ANK3: variants seen among roughly 807,000 people sequenced by gnomAD.
ANK3 encodes ankyrin 3.
In ANK3, 57 loss-of-function variants were observed where a neutral mutation model predicts 370.9. The ratio of observed to expected loss-of-function variants is 0.15; its 90% confidence interval spans 0.12 to 0.19. The LOEUF is 0.19. Ranked by LOEUF, ANK3 falls within the 10% of genes least tolerant of loss-of-function variation. ANK3 has a pLI of 1.00. For synonymous variants in ANK3, 1,929 were observed against 1,946.3 expected (o/e 0.99, Z 0.23); for missense variants, 4,439 against 5,302.1 (o/e 0.84, Z 5.06).
intron 1 of ANK3, among the ~76,000 whole-genome samples, chr10:60,615,952 T>G (rs910617913): frequency 6.6e-6 from 1 of 152,186 alleles, no homozygotes; most frequent in African/African-American, 2.4e-5. Context: ...ATGTGCAATA[T>G]GCAAATTATT....
chr10:60,074,979 C>G lies in ANK3; in HGVS notation c.5902G>C (p.Val1968Leu). The G allele has an allele frequency of 6.2e-7, 1 of 1,614,072 alleles. No individual in the cohort carries two copies. The highest frequency in any genetic ancestry group is 1.7e-4 in the Middle Eastern group (1 of 6,058). ...GATTTGGGTGATCCTTTATTATCTA[C>G]ACATACATCCTTTTTAAGGATTTCA... Reference protein sequence around the residue: ...VSEILKKDVCVDNKGSPKSPK... With the variant: ...VSEILKKDVCLDNKGSPKSPK... The change falls in exon 37 of 44, where the codon GTA (valine) becomes CTA (leucine). Residue 1968 changes from valine to leucine, a missense_variant. Coordinates refer to ENST00000280772, the MANE Select transcript of ANK3 (RefSeq NM_020987.5).
chr10:60,302,737 CA>C (rs2132810594), intron 1 of ANK3, among the ~76,000 whole-genome samples: 1 of 151,694 alleles, frequency 6.6e-6, no homozygotes, highest in East Asian at 1.9e-4. Context: ...CAATTTTGAG[CA>C]AAAACAACAA....
At chr10:60,033,002 A>T (rs1211031625) in intron 43 of ANK3, among the ~76,000 whole-genome samples, 1 of 152,222 alleles carries the variant, frequency 6.6e-6, no homozygotes, top group African/African-American at 2.4e-5. Context: ...GAAGCCATCA[A>T]GATGACATTT....
chr10:60,090,893 G>A (rs930029134), intron 28 of ANK3, among the ~76,000 whole-genome samples: 14 of 152,070 alleles, frequency 9.2e-5, no homozygotes, highest in African/African-American at 3.4e-4. Flanking sequence ...TACCCTGGAC[G>A]CAGCAATACC....
At chr10:60,164,403 G>T (rs2095570029) in intron 23 of ANK3, among the ~76,000 whole-genome samples, 1 of 151,532 alleles carries the variant, frequency 6.6e-6, no homozygotes, top group South Asian at 2.1e-4. Flanking sequence ...ACCTCAACTT[G>T]AGATGGCACA....
At chr10:60,388,759 G>A (rs1389427777) in intron 1 of ANK3, among the ~76,000 whole-genome samples, 1 of 152,112 alleles carries the variant, frequency 6.6e-6, no homozygotes, top group Non-Finnish European at 1.5e-5. Context: ...GAATTCCTGC[G>A]TTCAGGATAA....
At chr10:60,580,157 A>T (rs1270677620) in intron 2 of ANK3, among the ~76,000 whole-genome samples, 1 of 152,226 alleles carries the variant, frequency 6.6e-6, no homozygotes, top group Non-Finnish European at 1.5e-5. Context: ...AATAACGTCC[A>T]TTACTTATTT....
At position 60,416,433 on chromosome 10, in the gene ANK3, T is replaced by G. The variant is rs1266760458; in HGVS notation, c.97-136794A>C. On this transcript the variant is annotated intron_variant, in intron 2 of 43. Coordinates refer to the ANK3 transcript ENST00000373827. ...ATGGGTGCACTGTGTGGTGTGTTTA[T>G]TATATCTCAAATGTGGTGTTTTTAA... 2.6e-5 allele frequency among the ~76,000 whole-genome samples: 4 copies of G among 152,184 alleles called. No homozygotes were observed. The South Asian group carries it at 6.2e-4, about 24-fold the overall frequency.
intron 2 of ANK3, among the ~76,000 whole-genome samples, chr10:60,564,082 G>C (rs1040963713): frequency 1.3e-5 from 2 of 152,108 alleles, no homozygotes; most frequent in Non-Finnish European, 1.5e-5. Context: ...TTAAGTACTG[G>C]AGGAGTCAAA....
intron 1 of ANK3, among the ~76,000 whole-genome samples, chr10:60,341,567 G>T (rs1435131259): frequency 6.6e-6 from 1 of 152,060 alleles, no homozygotes. Flanking sequence ...TGTATTCATG[G>T]TCTTGTTACA....
intron 41 of ANK3, 98 bp downstream of exon 41, chr10:60,059,242 T>C: frequency 9.8e-7 from 1 of 1,015,990 alleles, no homozygotes; most frequent in South Asian, 1.3e-5. Context: ...AGAACTAGAA[T>C]GGTAATTTAG....
chr10:60,381,181 T>C (rs992237696), intron 1 of ANK3, among the ~76,000 whole-genome samples: 6 of 152,188 alleles, frequency 3.9e-5, no homozygotes, highest in Non-Finnish European at 7.3e-5. Context: ...ACATAAACTA[T>C]ATAATGAAGA....
intron 1 of ANK3, among the ~76,000 whole-genome samples, chr10:60,325,620 G>C (rs2049658861): frequency 6.6e-6 from 1 of 152,126 alleles, no homozygotes; most frequent in Non-Finnish European, 1.5e-5. Context: ...GCTCCCCTTA[G>C]ACACAAGCTC....
At chr10:60,530,810 G>T (rs2076589239) in intron 2 of ANK3, among the ~76,000 whole-genome samples, 1 of 152,098 alleles carries the variant, frequency 6.6e-6, no homozygotes, top group Non-Finnish European at 1.5e-5. Context: ...GTTTTGTGTG[G>T]TGGATGTGGG....
At chr10:60,512,565 A>G (rs1402417131) in intron 2 of ANK3, among the ~76,000 whole-genome samples, 1 of 152,154 alleles carries the variant, frequency 6.6e-6, no homozygotes, top group Non-Finnish European at 1.5e-5. Flanking sequence ...CAGTGCAAGG[A>G]AAACGATTTT....
intron 1 of ANK3, among the ~76,000 whole-genome samples, chr10:60,286,312 G>C (rs1228327065): frequency 1.3e-5 from 2 of 152,082 alleles, no homozygotes; most frequent in African/African-American, 4.8e-5. Flanking sequence ...TAGTACTTAA[G>C]AGTCTTAGCA....
At chr10:60,323,888 A>G (rs192239660) in intron 1 of ANK3, among the ~76,000 whole-genome samples, 58 of 152,310 alleles carry the variant, frequency 3.8e-4, no homozygotes, top group African/African-American at 1.4e-3. Context: ...ACCAGAGCTG[A>G]GAACTGATTG....
At chr10:60,652,180 G>A (rs2078797988) in intron 1 of ANK3, among the ~76,000 whole-genome samples, 1 of 151,978 alleles carries the variant, frequency 6.6e-6, no homozygotes, top group Non-Finnish European at 1.5e-5. Context: ...AATCCCAGGT[G>A]GGAGCATTGC....
intron 28 of ANK3, among the ~76,000 whole-genome samples, chr10:60,103,779 A>G (rs1244797565): frequency 1.3e-5 from 2 of 152,186 alleles, no homozygotes; most frequent in Non-Finnish European, 2.9e-5. Flanking sequence ...CTAAAATGGA[A>G]CCAAAGTTTA....
Sources: gnomAD v4.1 joint callset for allele counts (sites outside exome capture counted in the v4.1 genomes callset) on GRCh38, gnomAD v4.1.1 for gene constraint, MANE v1.5 for transcripts, NCBI Gene and HGNC (gene_info 2026-07-23, HGNC 2026-07-21) for gene names.